DNAH5: variants seen among roughly 807,000 people sequenced by gnomAD.
The protein encoded by DNAH5 is dynein axonemal heavy chain 5, also known as axonemal beta dynein heavy chain 5.
DNAH5 carries 372 observed loss-of-function variants against 518.2 expected under a neutral mutation model. The observed-to-expected ratio is 0.72, with a 90% CI of 0.66 to 0.78. DNAH5 has a LOEUF of 0.78. DNAH5 is among the 30% of genes least tolerant of loss of function. The probability of loss-of-function intolerance (pLI) is 0.00; values close to 1 mark genes in which losing one functional copy is unlikely to be tolerated. For missense variants in DNAH5, 5,523 were observed against 5,687.0 expected (o/e 0.97, Z 0.93); for synonymous variants, 2,039 against 2,025.9 (o/e 1.01, Z -0.17).
At chr5:14,009,078 G>A (rs937658924) in intron 1 of DNAH5, among the ~76,000 whole-genome samples, 3 of 152,148 alleles carry the variant, frequency 2.0e-5, no homozygotes, top group Admixed American at 2.0e-4. Flanking sequence ...TGAAGCCGTC[G>A]GTTTTTATTC....
At chr5:13,911,347 A>G in intron 12 of DNAH5, 39 bp downstream of exon 12, 2 of 1,512,444 alleles carry the variant, frequency 1.3e-6, no homozygotes, top group Non-Finnish European at 1.8e-6. Context: ...GAAAAAATAA[A>G]CACACGACTG....
intron 1 of DNAH5, among the ~76,000 whole-genome samples, chr5:13,987,029 C>T (rs2152071448): frequency 6.6e-6 from 1 of 152,268 alleles, no homozygotes; most frequent in Non-Finnish European, 1.5e-5. Context: ...GAAGCCGGAG[C>T]AAGGGAAAAT....
intron 65 of DNAH5, among the ~76,000 whole-genome samples, chr5:13,739,683 T>C (rs371071590): frequency 2.0e-4 from 30 of 152,190 alleles, no homozygotes; most frequent in African/African-American, 7.2e-4. Context: ...AATTACACAA[T>C]TTACCTTTGT....
In DNAH5 at chr5:13,751,207, A is replaced by C. The variant is rs1750168587; in HGVS notation, c.11082T>G (p.Ile3694Met). Residue 3694 changes from isoleucine to methionine, a missense_variant, in exon 65 of 79, where the codon ATT becomes ATG. Ile to Met is a conservative substitution (Grantham distance 10, BLOSUM62 1). Transcript: ENST00000265104. The part of the protein sequence containing the change: ...VDVLDGFRLY[I>M]TTKLPNPAYT... ...AGGCTGGGTTAGGCAATTTGGTGGT[A>C]ATGTAGAGTCTAAAGCCATCCAACA... is the stretch of plus-strand genomic sequence containing the variant. 1.2e-6 allele frequency: 2 copies of C among 1,613,938 alleles called. No individual in the cohort carries two copies. Among genetic ancestry groups the C allele is most frequent in the Non-Finnish European group, 1.7e-6 (2 of 1,179,924 alleles).
chr5:13,766,512 C>T (rs975982341), intron 58 of DNAH5, among the ~76,000 whole-genome samples: 5 of 152,178 alleles, frequency 3.3e-5, no homozygotes, highest in African/African-American at 9.7e-5. Flanking sequence ...AAGTAGATTT[C>T]GAGGTTCAAA....
intron 65 of DNAH5, 53 bp downstream of exon 65, chr5:13,751,025 T>C: frequency 1.3e-6 from 2 of 1,566,012 alleles, no homozygotes; most frequent in Admixed American, 1.7e-5. Context: ...TTTTTGTCAA[T>C]GAAATATGAC....
chr5:13,903,589 A>C (rs1389612998), intron 12 of DNAH5, among the ~76,000 whole-genome samples: 7 of 151,980 alleles, frequency 4.6e-5, no homozygotes, highest in Non-Finnish European at 1.0e-4. Flanking sequence ...ATTAATATTA[A>C]AAGATAGAAA....
Position 13,717,450 on chromosome 5 carries a change from G to C in DNAH5, c.12570C>G (p.Phe4190Leu). The change falls in exon 73 of 79, where the codon TTC becomes TTG. Residue 4190 changes from phenylalanine (F) to leucine (L), a missense_variant. Phe to Leu is a conservative substitution (Grantham distance 22). Coordinates refer to ENST00000265104, the MANE Select transcript of DNAH5 (RefSeq NM_001369.3). ...QWKPMLYAVA[F>L]LHSTVQERRK... ...GCCTCTCCTGGACAGTGGAGTGCAGGAAAGCCACTGCGTACAGCATGGGCT... is the reference window on the plus strand; with the variant it reads ...GCCTCTCCTGGACAGTGGAGTGCAGCAAAGCCACTGCGTACAGCATGGGCT... 2 of 1,614,184 alleles carry C rather than the reference G, an allele frequency of 1.2e-6. No homozygotes were observed. Among genetic ancestry groups the C allele is most frequent in the South Asian group, 1.1e-5 (1 of 91,088 alleles).
intron 62 of DNAH5, 64 bp from the exon 63 acceptor site, chr5:13,753,613 T>C: frequency 1.4e-6 from 2 of 1,397,732 alleles, no homozygotes; most frequent in South Asian, 1.3e-5. Context: ...TACAGCATAT[T>C]AAAAATGAAA....
At position 13,786,245 on chromosome 5, in the gene DNAH5, A is replaced by G. The variant is rs1214089595; in HGVS notation, c.8754T>C (p.Asn2918=). 1.9e-6 allele frequency: 3 copies of G among 1,614,102 alleles called. No individual in the cohort carries two copies. Among genetic ancestry groups the G allele is most frequent in the East Asian group, 2.2e-5 (1 of 44,876 alleles). Residue 2918 remains asparagine (N), a synonymous_variant, in exon 52 of 79, where the codon AAT becomes AAC. Transcript: ENST00000265104. ...ERLNMFLQLY[N]ESIRGAGMDM... Reference sequence around the variant, plus strand: ...CCATGCCGGCGCCACGGATGCTCTCATTATAGAGCTGCAGGAACATATTCA... The same window carrying G: ...CCATGCCGGCGCCACGGATGCTCTCGTTATAGAGCTGCAGGAACATATTCA...
chr5:13,768,576 A>G (rs1392833164), intron 58 of DNAH5, among the ~76,000 whole-genome samples: 2 of 152,228 alleles, frequency 1.3e-5, no homozygotes, highest in Non-Finnish European at 2.9e-5. Context: ...ATTCATAGAC[A>G]GAAAACGTCG....
intron 47 of DNAH5, among the ~76,000 whole-genome samples, chr5:13,804,287 C>T (rs1759230363): frequency 6.6e-6 from 1 of 152,146 alleles, no homozygotes; most frequent in African/African-American, 2.4e-5. Context: ...TGACAGTCCC[C>T]TCTACTGATG....
intron 21 of DNAH5, among the ~76,000 whole-genome samples, chr5:13,877,730 G>A (rs973364749): frequency 2.6e-5 from 4 of 152,176 alleles, no homozygotes; most frequent in Non-Finnish European, 4.4e-5. Flanking sequence ...TCTCTCTGTG[G>A]AAATGAGGCT....
At chr5:13,793,422 C>T (rs1320422891) in intron 49 of DNAH5, 93 bp downstream of exon 49, 4 of 1,072,246 alleles carry the variant, frequency 3.7e-6, no homozygotes, top group Non-Finnish European at 4.3e-6. Context: ...ACCCAGTGCT[C>T]TTTCTGTGTG....
At chr5:13,915,108 C>A (rs530288115) in intron 9 of DNAH5, among the ~76,000 whole-genome samples, 1 of 152,134 alleles carries the variant, frequency 6.6e-6, no homozygotes, top group South Asian at 2.1e-4. Context: ...TGTACAAAAC[C>A]ACTAACATTT....
Position 13,752,300 on chromosome 5 carries a change from G to T in DNAH5, c.10873-11C>A. 6.2e-7 allele frequency: 1 copy of T among 1,613,948 alleles called. No individual in the cohort carries two copies. On this transcript the variant is annotated splice_polypyrimidine_tract_variant and intron_variant, in intron 63 of 78. Coordinates refer to ENST00000265104, the MANE Select transcript of DNAH5 (RefSeq NM_001369.3). ...ATTTAAAGACGTGATCTAGGAACAG[G>T]ATCACAAGGTTGCTATTGGCAGACA...
chr5:13,713,015 A>G (rs1743710369), intron 75 of DNAH5, among the ~76,000 whole-genome samples: 2 of 151,942 alleles, frequency 1.3e-5, no homozygotes, highest in South Asian at 4.2e-4. Flanking sequence ...ATACTTGCAC[A>G]TGCATGTTTA....
intron 16 of DNAH5, 104 bp from the exon 17 acceptor site, chr5:13,891,225 G>A: frequency 8.1e-7 from 1 of 1,239,714 alleles, no homozygotes; most frequent in Non-Finnish European, 1.2e-6. Flanking sequence ...CAGCTTTAAA[G>A]ATTCTCAGTT....
At chr5:13,782,646 T>C (rs1561246423) in intron 52 of DNAH5, among the ~76,000 whole-genome samples, 1 of 152,244 alleles carries the variant, frequency 6.6e-6, no homozygotes, top group Non-Finnish European at 1.5e-5. Flanking sequence ...TTTCCTTTGA[T>C]GTAGGTGGAT....
Sources: allele counts gnomAD v4.1 joint callset (sites outside exome capture counted in the v4.1 genomes callset), GRCh38; gene constraint gnomAD v4.1.1; transcripts MANE v1.5; gene names NCBI Gene and HGNC (gene_info 2026-07-23, HGNC 2026-07-21).